Variants in KIF3B observed in about 807,000 individuals in gnomAD.
KIF3B encodes the protein kinesin-like protein KIF3B.
KIF3B carries 38 observed loss-of-function variants against 74.3 expected under a neutral mutation model. The observed-to-expected ratio is 0.51, with a 90% CI of 0.39 to 0.67. The LOEUF (loss-of-function observed/expected upper bound fraction) is 0.67. Among genes scored for constraint, KIF3B ranks in the 30% least tolerant of loss-of-function variants. The pLI is 0.00. For missense variants in KIF3B, 649 were observed against 932.0 expected (o/e 0.70, Z 3.95); for synonymous variants, 326 against 342.5 (o/e 0.95, Z 0.53).
chr20:32,289,964 A>G (rs773919475), intron 1 of KIF3B, among the ~76,000 whole-genome samples: 23 of 151,952 alleles, frequency 1.5e-4, no homozygotes, highest in Non-Finnish European at 2.8e-4. Context: ...CAGAGTTACC[A>G]CTTGTGGGCC....
In KIF3B at chr20:32,318,727, T is replaced by C. The variant is rs566871725; in HGVS notation, c.1748+1853T>C. Among the ~76,000 whole-genome samples, 8 of 152,314 alleles carry C rather than the reference T, an allele frequency of 5.3e-5. No homozygotes were observed. In the East Asian group the frequency reaches 1.3e-3, roughly 26 times the overall value. On this transcript the variant is annotated intron_variant, in intron 5 of 8. Transcript: ENST00000375712. Reference sequence around the variant, plus strand: ...GGACACATATTTATTTATTTTTCAGTTTATATACATTCCGATTATTTCTAG... The same window carrying C: ...GGACACATATTTATTTATTTTTCAGCTTATATACATTCCGATTATTTCTAG...
At chr20:32,293,453 A>G (rs1345371479) in intron 1 of KIF3B, among the ~76,000 whole-genome samples, 4 of 152,094 alleles carry the variant, frequency 2.6e-5, no homozygotes, top group African/African-American at 9.7e-5. Context: ...TCTACAAAAA[A>G]TAAAAACAAA....
intron 1 of KIF3B, among the ~76,000 whole-genome samples, chr20:32,300,861 T>TTGC (rs2047740244): frequency 6.6e-6 from 1 of 151,804 alleles, no homozygotes. Context: ...GTTGTTGTTG[T>TTGC]TGTTGTTGTT....
intron 1 of KIF3B, among the ~76,000 whole-genome samples, chr20:32,294,788 T>G (rs1222343484): frequency 2.0e-5 from 3 of 152,212 alleles, no homozygotes; most frequent in Non-Finnish European, 4.4e-5. Context: ...CTTTACTCTG[T>G]GTTCCCCAAA....
intron 1 of KIF3B, among the ~76,000 whole-genome samples, chr20:32,290,665 G>A (rs2047687005): frequency 6.6e-6 from 1 of 151,956 alleles, no homozygotes; most frequent in African/African-American, 2.4e-5. Flanking sequence ...GAACCCAGGA[G>A]TTCCAGACCA....
chr20:32,316,447 G>A, intron 3 of KIF3B, 80 bp from the exon 4 acceptor site: 1 of 1,595,538 alleles, frequency 6.3e-7, no homozygotes, highest in Non-Finnish European at 8.6e-7. Context: ...ATCCTAGCTG[G>A]AGACTCTGAT....
intron 7 of KIF3B, among the ~76,000 whole-genome samples, chr20:32,329,632 A>T (rs1468960705): frequency 6.6e-6 from 1 of 152,104 alleles, no homozygotes; most frequent in Non-Finnish European, 1.5e-5. Flanking sequence ...CTGAACTAGG[A>T]TACACAACGT....
In KIF3B at chr20:32,330,176, C is replaced by CTGTTAG; in HGVS notation, c.2004_2005insTGTTAG (p.Pro668_Ser669insCysTer). Reference sequence around the variant, plus strand: ...TTGTGCTGTTAGAGCTGGACATGCCCAGCCGGACCACCAGAGACTATGAGG... The same window carrying CTGTTAG: ...TTGTGCTGTTAGAGCTGGACATGCCCTGTTAGAGCCGGACCACCAGAGACTATGAGG... On this transcript the variant is annotated stop_gained and inframe_insertion, in exon 8 of 9. Transcript: ENST00000375712. LOFTEE classifies it high-confidence loss of function. The CTGTTAG allele has an allele frequency of 6.2e-7, 1 of 1,613,998 alleles. No individual in the cohort carries two copies. The highest frequency in any genetic ancestry group is 8.5e-7 in the Non-Finnish European group (1 of 1,179,954).
chr20:32,316,152 C>G (rs2047826140), intron 2 of KIF3B, 66 bp from the exon 3 acceptor site: 1 of 946,346 alleles, frequency 1.1e-6, no homozygotes, highest in East Asian at 2.4e-5. Context: ...CACAGGCTCC[C>G]CTGTGAGGAA....
intron 1 of KIF3B, among the ~76,000 whole-genome samples, chr20:32,297,412 G>A (rs1054861123): frequency 2.6e-5 from 4 of 152,146 alleles, no homozygotes; most frequent in Non-Finnish European, 5.9e-5. Flanking sequence ...AAAGAGCAGG[G>A]GAAATCACCT....
chr20:32,324,929 G>A (rs557265015), intron 5 of KIF3B, among the ~76,000 whole-genome samples: 6 of 152,224 alleles, frequency 3.9e-5, no homozygotes, highest in Non-Finnish European at 8.8e-5. Flanking sequence ...TACTCCGGGG[G>A]CTGAGGCACG....
rs1268197232 is a variant in KIF3B at position 32,309,917 on chromosome 20, A to G, written c.140A>G (p.Lys47Arg). 6.2e-7 allele frequency: 1 copy of G among 1,614,034 alleles called. No homozygotes were observed. Among genetic ancestry groups the G allele is most frequent in the East Asian group, 2.2e-5 (1 of 44,900 alleles). The change falls in exon 2 of 9, where the codon AAA (lysine) becomes AGA (arginine). Residue 47 changes from lysine to arginine, a missense_variant. Physicochemically the swap from Lys to Arg is conservative, Grantham distance 26 (BLOSUM62 2). Around this residue, in one of 4 missense-constraint regions of KIF3B, gnomAD observed 96 missense variants for 119.0 expected, o/e 0.81. Transcript: ENST00000375712. The stretch of plus-strand genomic sequence containing the variant: ...GGGCAGGTGTCTGTGAAGAACCCCA[A>G]AGGGACGGCCCATGAAATGCCCAAG... ...KLGQVSVKNP[K>R]GTAHEMPKTF... is the part of the protein sequence containing the mutation.
At chr20:32,289,396 C>T (rs2047681025) in intron 1 of KIF3B, among the ~76,000 whole-genome samples, 1 of 152,052 alleles carries the variant, frequency 6.6e-6, no homozygotes, top group Admixed American at 6.6e-5. Context: ...GTTTCACCAT[C>T]TTAGCCATGC....
intron 1 of KIF3B, among the ~76,000 whole-genome samples, chr20:32,304,468 TAC>T (rs2047759617): frequency 6.6e-6 from 1 of 152,366 alleles, no homozygotes; most frequent in African/African-American, 2.4e-5. Flanking sequence ...TGCTTACAGA[TAC>T]ACTTTCCCAC....
Position 32,309,931 on chromosome 20 carries a change from G to T in KIF3B, c.154G>T (p.Glu52Ter). The change falls in exon 2 of 9, where the codon GAA becomes TAA. Residue 52 changes from glutamate to a stop codon, truncating the protein, a stop_gained. Transcript: ENST00000375712. LOFTEE classifies it high-confidence loss of function. Reference sequence around the variant, plus strand: ...GAAGAACCCCAAAGGGACGGCCCATGAAATGCCCAAGACCTTCACCTTTGA... The same window carrying T: ...GAAGAACCCCAAAGGGACGGCCCATTAAATGCCCAAGACCTTCACCTTTGA... ...SVKNPKGTAH[E>*]MPKTFTFDAV... 3 of 1,614,192 alleles carry T rather than the reference G, an allele frequency of 1.9e-6. No individual in the cohort carries two copies. The highest frequency in any genetic ancestry group is 2.5e-6 in the Non-Finnish European group (3 of 1,180,036).
At chr20:32,308,279 A>G (rs1201053639) in intron 1 of KIF3B, among the ~76,000 whole-genome samples, 1 of 152,162 alleles carries the variant, frequency 6.6e-6, no homozygotes, top group East Asian at 1.9e-4. Context: ...GCTGGAGTGC[A>G]GTGACACGAT....
chr20:32,312,126 T>C (rs2047804065), intron 2 of KIF3B, among the ~76,000 whole-genome samples: 1 of 150,696 alleles, frequency 6.6e-6, no homozygotes, highest in African/African-American at 2.4e-5. Flanking sequence ...CTTTCTTTTT[T>C]TTTTTTGAGA....
chr20:32,299,403 A>ATTTTTTTTTTTTTT (rs11473044), intron 1 of KIF3B, among the ~76,000 whole-genome samples: 1 of 9,026 alleles, frequency 1.1e-4, no homozygotes, highest in African/African-American at 6.1e-4. Context: ...ATATATATAT[A>ATTTTTTTTTTTTTT]TTTTTTTTTT....
chr20:32,296,350 A>G (rs573639748), intron 1 of KIF3B, among the ~76,000 whole-genome samples: 1 of 152,262 alleles, frequency 6.6e-6, no homozygotes, highest in Non-Finnish European at 1.5e-5. Flanking sequence ...ATTAAAGGGT[A>G]AACACACTTT....
Sources: gnomAD v4.1 joint callset for allele counts (sites outside exome capture counted in the v4.1 genomes callset) on GRCh38, gnomAD v4.1.1 for gene constraint, gnomAD v4.1.1 regional missense constraint, MANE v1.5 for transcripts, NCBI Gene and HGNC (gene_info 2026-07-23, HGNC 2026-07-21) for gene names.